Variants in GRM7 observed in about 807,000 individuals in gnomAD.
GRM7 encodes the protein metabotropic glutamate receptor 7.
Under a neutral mutation model 84.5 loss-of-function variants are expected in GRM7, and 35 were observed. The ratio of observed to expected loss-of-function variants is 0.41; its 90% CI spans 0.32 to 0.55. The LOEUF is 0.55. Ranked by LOEUF, GRM7 falls within the 20% of genes least tolerant of loss-of-function variation. The pLI, the probability that GRM7 is intolerant of heterozygous loss-of-function variation, is 0.19. For synonymous variants in GRM7, 487 were observed against 455.1 expected (o/e 1.07, Z -0.89); for missense variants, 1,003 against 1,194.6 (o/e 0.84, Z 2.36).
intron 4 of GRM7, among the ~76,000 whole-genome samples, chr3:7,325,661 A>G (rs1322046122): frequency 6.6e-6 from 1 of 152,178 alleles, no homozygotes; most frequent in East Asian, 1.9e-4. Context: ...AGTGCCACAT[A>G]AATCTAAATG....
intron 2 of GRM7, among the ~76,000 whole-genome samples, chr3:7,262,574 T>C (rs1263499007): frequency 6.6e-6 from 1 of 152,228 alleles, no homozygotes; most frequent in Non-Finnish European, 1.5e-5. Flanking sequence ...TCTTTGTACA[T>C]TTTCACATTG....
intron 1 of GRM7, among the ~76,000 whole-genome samples, chr3:7,013,770 T>A (rs1333853166): frequency 6.6e-6 from 1 of 151,880 alleles, no homozygotes. Flanking sequence ...CTCTTACAAT[T>A]TTTTTTTAAT....
chr3:7,513,012 A>T (rs1404125766), intron 7 of GRM7, among the ~76,000 whole-genome samples: 1 of 152,232 alleles, frequency 6.6e-6, no homozygotes, highest in African/African-American at 2.4e-5. Flanking sequence ...ACAGTTACAG[A>T]TGGCTGCCAG....
intron 1 of GRM7, among the ~76,000 whole-genome samples, chr3:7,020,366 A>T (rs1037333007): frequency 1.3e-5 from 2 of 152,214 alleles, no homozygotes; most frequent in African/African-American, 4.8e-5. Flanking sequence ...GAGAGGGATG[A>T]ATAGGCAGAA....
chr3:7,332,070 C>G (rs758062000), intron 4 of GRM7, among the ~76,000 whole-genome samples: 1 of 152,088 alleles, frequency 6.6e-6, no homozygotes, highest in Non-Finnish European at 1.5e-5. Flanking sequence ...ATTTTCCTTT[C>G]GTCTAGAGTA....
intron 8 of GRM7, among the ~76,000 whole-genome samples, chr3:7,637,633 G>A (rs542312531): frequency 6.6e-6 from 1 of 152,304 alleles, no homozygotes; most frequent in African/African-American, 2.4e-5. Context: ...TTTGAAACAT[G>A]ACATGGAGTC....
At chr3:6,867,144 T>C (rs1694963543) in intron 1 of GRM7, among the ~76,000 whole-genome samples, 1 of 152,194 alleles carries the variant, frequency 6.6e-6, no homozygotes, top group Non-Finnish European at 1.5e-5. Flanking sequence ...TTGAAACACA[T>C]TTCTTTTTAC....
intron 1 of GRM7, among the ~76,000 whole-genome samples, chr3:6,906,217 G>A (rs1341095529): frequency 2.6e-5 from 4 of 152,080 alleles, no homozygotes; most frequent in Admixed American, 6.6e-5. Context: ...GTATAATATC[G>A]TTAGGATCTG....
At chr3:7,547,968 C>T (rs959679246) in intron 7 of GRM7, among the ~76,000 whole-genome samples, 1 of 152,024 alleles carries the variant, frequency 6.6e-6, no homozygotes, top group African/African-American at 2.4e-5. Context: ...GAAATGAAGC[C>T]CAAAAAAGGC....
intron 8 of GRM7, among the ~76,000 whole-genome samples, chr3:7,667,217 A>G (rs900719794): frequency 1.3e-5 from 2 of 151,844 alleles, no homozygotes; most frequent in South Asian, 4.2e-4. Context: ...GAAGTGATCT[A>G]TGATCCTACC....
intron 8 of GRM7, among the ~76,000 whole-genome samples, chr3:7,651,011 T>C (rs1698911119): frequency 6.6e-6 from 1 of 151,470 alleles, no homozygotes; most frequent in Non-Finnish European, 1.5e-5. Context: ...ACTTTTTGAT[T>C]TGAAGGAAAA....
Position 7,701,401 on chromosome 3 carries a change from TGC to T in GRM7, c.2698+21107_2698+21108del, listed in dbSNP as rs1197020490. Among the ~76,000 whole-genome samples the T allele has an allele frequency of 3.2e-3, 483 of 150,086 alleles. 4 individuals are homozygous for T. Among genetic ancestry groups the T allele is most frequent in the African/African-American group, 0.011 (433 of 40,860 alleles). ...CTACAAGCTCCGTCTCCTGGGTTCA[TGC>T]CATTCTCCTGCCTCAGCCTCCTGAG... On this transcript the variant is annotated intron_variant, in intron 9 of 9. Coordinates refer to ENST00000357716, the MANE Select transcript of GRM7 (RefSeq NM_000844.4).
rs936721258 is a variant in GRM7 at position 7,200,320 on chromosome 3, C to A, written c.736+53652C>A. 3.9e-5 allele frequency among the ~76,000 whole-genome samples: 6 copies of A among 152,162 alleles called. No individual in the cohort carries two copies. The South Asian group carries it at 6.2e-4, about 16-fold the overall frequency. ...ACAAACCACATTCAAATCATAGCAC[C>A]TTTAAAGAAATCAGAATATCCAGGG... On this transcript the variant is annotated intron_variant, in intron 2 of 9. Transcript: ENST00000357716.
At chr3:7,220,010 T>C (rs376616044) in intron 2 of GRM7, among the ~76,000 whole-genome samples, 6 of 152,172 alleles carry the variant, frequency 3.9e-5, no homozygotes, top group African/African-American at 1.4e-4. Flanking sequence ...AATAAAGTAG[T>C]ATTGGACTAT....
At chr3:6,966,453 A>G (rs1003815301) in intron 1 of GRM7, among the ~76,000 whole-genome samples, 1 of 152,214 alleles carries the variant, frequency 6.6e-6, no homozygotes, top group Non-Finnish European at 1.5e-5. Context: ...ATATTTTTGC[A>G]GTTTATATTT....
rs58338960 is a variant in GRM7 at position 7,454,090 on chromosome 3, ACTCTCTCT to A, written c.1375+1315_1375+1322del. On this transcript the variant is annotated intron_variant, in intron 6 of 9. Transcript: ENST00000357716. ...ACCATACATGAAAAGCTACACACAC[ACTCTCTCT>A]CTCTCTCTCTCTCTCTCTCTCTCTC... 5.0e-4 allele frequency among the ~76,000 whole-genome samples: 70 copies of A among 140,210 alleles called. 1 individual carries two copies. The highest frequency in any genetic ancestry group is 9.5e-4 in the African/African-American group (34 of 35,936). The allele number at this position is 140,210 out of a possible 152,430, so 92.0% of individuals were successfully genotyped here.
chr3:7,357,862 C>T (rs1693479475), intron 4 of GRM7, among the ~76,000 whole-genome samples: 1 of 152,038 alleles, frequency 6.6e-6, no homozygotes, highest in African/African-American at 2.4e-5. Context: ...AAGAAGATTG[C>T]CTGTAATAAA....
At chr3:6,880,225 C>G (rs1559302497) in intron 1 of GRM7, among the ~76,000 whole-genome samples, 1 of 152,144 alleles carries the variant, frequency 6.6e-6, no homozygotes, top group African/African-American at 2.4e-5. Flanking sequence ...CAAAGAACCC[C>G]AAATTCTACT....
At chr3:7,405,169 T>C (rs1695621398) in intron 4 of GRM7, among the ~76,000 whole-genome samples, 1 of 152,176 alleles carries the variant, frequency 6.6e-6, no homozygotes, top group Non-Finnish European at 1.5e-5. Flanking sequence ...AGAATACCAC[T>C]TTATATACAG....
Sources: allele counts gnomAD v4.1 joint callset (sites outside exome capture counted in the v4.1 genomes callset), GRCh38; gene constraint gnomAD v4.1.1; transcripts MANE v1.5; gene names NCBI Gene and HGNC (gene_info 2026-07-23, HGNC 2026-07-21).